The following MEMO1 variants were observed in gnomAD, a reference collection of about 807,000 sequenced individuals.
The protein encoded by MEMO1 is mediator of cell motility 1, also known as protein MEMO1.
MEMO1 carries 6 observed loss-of-function variants against 45.2 expected under a neutral mutation model. The observed-to-expected ratio is 0.13, with a 90% CI of 0.07 to 0.26. The LOEUF is 0.26. MEMO1 is among the 10% of genes least tolerant of loss of function. MEMO1 has a pLI of 1.00. For missense variants in MEMO1, 184 were observed against 370.5 expected, an observed-to-expected ratio of 0.50 and a Z score of 4.13; for synonymous variants, 78 against 124.3, an observed-to-expected ratio of 0.63 and a Z score of 2.48.
intron 2 of MEMO1, among the ~76,000 whole-genome samples, chr2:31,962,106 T>C (rs1394930816): frequency 6.6e-6 from 1 of 152,078 alleles, no homozygotes; most frequent in Non-Finnish European, 1.5e-5. Context: ...ATACAAAGAA[T>C]GGCCAGGAAT....
rs192915072 is a variant in MEMO1, at chr2:31,919,324, G to C, written c.326-1287C>G. Reference sequence around the variant, plus strand: ...GTGCTACCATGCCCAGCAGATTTTTGTATTTTTTTGTACAGATGGGGTTTT... The same window carrying C: ...GTGCTACCATGCCCAGCAGATTTTTCTATTTTTTTGTACAGATGGGGTTTT... On this transcript the variant is annotated intron_variant, in intron 5 of 9. Coordinates refer to ENST00000404530, the MANE Select transcript of MEMO1 (RefSeq NM_001301833.4). 2.2e-3 allele frequency among the ~76,000 whole-genome samples: 335 copies of C among 151,816 alleles called. 2 individuals are homozygous for C. The highest frequency in any genetic ancestry group is 7.9e-3 in the African/African-American group (326 of 41,414).
chr2:31,895,200 T>C (rs1038147201), intron 6 of MEMO1, among the ~76,000 whole-genome samples: 2 of 152,046 alleles, frequency 1.3e-5, no homozygotes, highest in South Asian at 2.1e-4. Context: ...ACACAAAATG[T>C]CCAGTTCCAA....
intron 2 of MEMO1, among the ~76,000 whole-genome samples, chr2:32,002,955 T>C (rs1339829445): frequency 6.6e-6 from 1 of 152,168 alleles, no homozygotes; most frequent in Admixed American, 6.5e-5. Context: ...AATAATAGGA[T>C]GGGATGCAAA....
intron 7 of MEMO1, among the ~76,000 whole-genome samples, chr2:31,886,176 G>C (rs1361123835): frequency 6.6e-6 from 1 of 152,106 alleles, no homozygotes; most frequent in African/African-American, 2.4e-5. Flanking sequence ...ATAAATATTT[G>C]AAGGACTCTA....
At chr2:31,900,306 T>C (rs886329706) in intron 6 of MEMO1, among the ~76,000 whole-genome samples, 3 of 152,082 alleles carry the variant, frequency 2.0e-5, no homozygotes, top group Non-Finnish European at 4.4e-5. Flanking sequence ...ATAGACTGGA[T>C]TAAGAAAATG....
chr2:31,922,987 C>T (rs1682544198), intron 4 of MEMO1, among the ~76,000 whole-genome samples: 2 of 152,042 alleles, frequency 1.3e-5, no homozygotes, highest in African/African-American at 4.8e-5. Flanking sequence ...CAGGTACATA[C>T]CCAATAATGG....
chr2:31,876,667 G>T (rs1674613593), intron 8 of MEMO1, among the ~76,000 whole-genome samples: 1 of 152,028 alleles, frequency 6.6e-6, no homozygotes, highest in African/African-American at 2.4e-5. Flanking sequence ...ATCCCTAATA[G>T]AATTTATTAT....
rs937763302 is a variant in MEMO1, at chr2:31,904,913, T to A, written c.438-12779A>T. 3.3e-5 allele frequency among the ~76,000 whole-genome samples: 5 copies of A among 152,140 alleles called. No individual in the cohort carries two copies. In the East Asian group the frequency reaches 9.6e-4, roughly 29 times the overall value. ...TAGAATTTAAGCAGAATACTGTGATTCATGTAAGAAAAAATAAACTACAGA... is the reference window on the plus strand; with the variant it reads ...TAGAATTTAAGCAGAATACTGTGATACATGTAAGAAAAAATAAACTACAGA... On this transcript the variant is annotated intron_variant, in intron 6 of 9. Transcript: ENST00000404530.
chr2:31,876,372 CAA>C (rs1674564872), intron 8 of MEMO1, among the ~76,000 whole-genome samples: 1 of 152,154 alleles, frequency 6.6e-6, no homozygotes, highest in South Asian at 2.1e-4. Context: ...CCACTCAATC[CAA>C]AACAGCCTCC....
At chr2:31,879,425 A>G (rs996096316) in intron 8 of MEMO1, among the ~76,000 whole-genome samples, 1 of 151,962 alleles carries the variant, frequency 6.6e-6, no homozygotes, top group East Asian at 1.9e-4. Flanking sequence ...CTCTCTGGAG[A>G]TTGACTCTCT....
intron 2 of MEMO1, among the ~76,000 whole-genome samples, chr2:31,962,603 T>C (rs902820805): frequency 1.3e-5 from 2 of 152,174 alleles, no homozygotes; most frequent in Non-Finnish European, 2.9e-5. Context: ...AAGTATAAGA[T>C]AATGTAATCA....
At chr2:31,954,662 G>A (rs774892690) in intron 2 of MEMO1, among the ~76,000 whole-genome samples, 8 of 151,658 alleles carry the variant, frequency 5.3e-5, no homozygotes, top group Non-Finnish European at 8.8e-5. Flanking sequence ...GTGAAACTCC[G>A]TCTCTACTAA....
intron 2 of MEMO1, among the ~76,000 whole-genome samples, chr2:31,978,814 AT>A (rs1368189607): frequency 6.6e-6 from 1 of 152,090 alleles, no homozygotes; most frequent in Non-Finnish European, 1.5e-5. Context: ...TTTGAAATAT[AT>A]TTTCCCAAGC....
At chr2:31,912,416 G>C (rs1680706391) in intron 6 of MEMO1, among the ~76,000 whole-genome samples, 1 of 151,698 alleles carries the variant, frequency 6.6e-6, no homozygotes, top group South Asian at 2.1e-4. Context: ...AGGAGGCTGA[G>C]GCAGGAGAAT....
At chr2:31,991,026 A>G (rs1671883175) in intron 2 of MEMO1, among the ~76,000 whole-genome samples, 1 of 152,204 alleles carries the variant, frequency 6.6e-6, no homozygotes, top group African/African-American at 2.4e-5. Flanking sequence ...CTATGTTATA[A>G]TATGAAAAGA....
chr2:31,962,530 G>GACACTGACAGAGTAA lies in MEMO1; in HGVS notation c.62-19162_62-19148dup, dbSNP rs1234363941. 1.4e-4 allele frequency among the ~76,000 whole-genome samples: 22 copies of GACACTGACAGAGTAA among 152,200 alleles called. No individual in the cohort carries two copies. In the South Asian group the frequency reaches 4.6e-3, roughly 32 times the overall value. Reference sequence around the variant, plus strand: ...CTTTATCAGAAACAAACATCAATATGACACTGACAGAGTAAACACCAAAAA... The same window carrying GACACTGACAGAGTAA: ...CTTTATCAGAAACAAACATCAATATGACACTGACAGAGTAAACACTGACAGAGTAAACACCAAAAA... On this transcript the variant is annotated intron_variant, in intron 2 of 9. Coordinates refer to ENST00000404530, the MANE Select transcript of MEMO1 (RefSeq NM_001301833.4).
intron 2 of MEMO1, among the ~76,000 whole-genome samples, chr2:31,988,554 TA>T (rs1671559385): frequency 6.6e-6 from 1 of 151,788 alleles, no homozygotes; most frequent in Non-Finnish European, 1.5e-5. Context: ...TCGAAAAAAA[TA>T]AAAAAAATTT....
chr2:31,885,926 A>G (rs1295238172), intron 7 of MEMO1, among the ~76,000 whole-genome samples: 3 of 152,244 alleles, frequency 2.0e-5, no homozygotes, highest in African/African-American at 7.2e-5. Flanking sequence ...CAGTAAGTGA[A>G]AAGTCTATAC....
At chr2:31,985,775 G>A (rs1250614294) in intron 2 of MEMO1, among the ~76,000 whole-genome samples, 1 of 152,194 alleles carries the variant, frequency 6.6e-6, no homozygotes, top group Non-Finnish European at 1.5e-5. Context: ...TGCATGTAAT[G>A]TTTAACTTAA....
Sources: gnomAD v4.1 joint callset for allele counts (sites outside exome capture counted in the v4.1 genomes callset) on GRCh38, gnomAD v4.1.1 for gene constraint, MANE v1.5 for transcripts, NCBI Gene and HGNC (gene_info 2026-07-23, HGNC 2026-07-21) for gene names.